Variants in RNASEL observed in about 807,000 individuals in gnomAD.
The protein encoded by RNASEL is 2-5A-dependent ribonuclease.
RNASEL carries 36 observed loss-of-function variants against 50.9 expected under a neutral mutation model. The ratio of observed to expected loss-of-function variants is 0.71; its 90% CI spans 0.54 to 0.93. RNASEL has a LOEUF of 0.93. Ranked by LOEUF, RNASEL falls within the 40% of genes least tolerant of loss-of-function variation. The pLI, the probability that RNASEL is intolerant of heterozygous loss-of-function variation, is 0.00. For missense variants in RNASEL, 860 were observed against 894.5 expected, an observed-to-expected ratio of 0.96 and a Z score of 0.49; for synonymous variants, 335 against 335.6, an observed-to-expected ratio of 1.00 and a Z score of 0.02.
intron 6 of RNASEL, 61 bp from the exon 7 acceptor site, chr1:182,575,639 G>T: frequency 1.3e-6 from 2 of 1,591,542 alleles, no homozygotes; most frequent in Non-Finnish European, 8.6e-7. Context: ...CCGCTTCACA[G>T]CATATGGCCC....
chr1:182,588,764 C>T (rs1661646175), intron 1 of RNASEL, among the ~76,000 whole-genome samples: 1 of 152,114 alleles, frequency 6.6e-6, no homozygotes, highest in Non-Finnish European at 1.5e-5. Flanking sequence ...TGTAGACCGT[C>T]CCCATTACAA....
chr1:182,581,964 T>A (rs547777227), intron 4 of RNASEL, 89 bp downstream of exon 4: 1 of 1,130,970 alleles, frequency 8.8e-7, no homozygotes, highest in Non-Finnish European at 1.3e-6. Flanking sequence ...AAAGCCTGGG[T>A]CTCCTGATTT....
At position 182,580,728 on chromosome 1, in the gene RNASEL, T is replaced by A. The variant is rs751274508; in HGVS notation, c.1905+497A>T. Among the ~76,000 whole-genome samples the A allele has an allele frequency of 4.6e-4, 70 of 152,250 alleles. 1 individual carries two copies. Among genetic ancestry groups the A allele is most frequent in the Non-Finnish European group, 1.6e-4 (11 of 68,038 alleles). On this transcript the variant is annotated intron_variant, in intron 5 of 6. Coordinates refer to ENST00000367559, the MANE Select transcript of RNASEL (RefSeq NM_021133.4). Reference sequence around the variant, plus strand: ...GTGGAACTTTTCTTAAAGAGAGCAATTTGAAAGATCATCTTTCCTTCATAG... The same window carrying A: ...GTGGAACTTTTCTTAAAGAGAGCAAATTGAAAGATCATCTTTCCTTCATAG...
At chr1:182,588,825 A>T (rs1485333311) in intron 1 of RNASEL, among the ~76,000 whole-genome samples, 5 of 152,250 alleles carry the variant, frequency 3.3e-5, no homozygotes, top group African/African-American at 1.2e-4. Context: ...AGGAGAGGAA[A>T]TATCAAGGAA....
At position 182,585,852 on chromosome 1, in the gene RNASEL, C is replaced by T. The variant is rs1448967599; in HGVS notation, c.955G>A (p.Val319Ile). The T allele has an allele frequency of 1.2e-6, 2 of 1,613,246 alleles. No individual in the cohort carries two copies. The highest frequency in any genetic ancestry group is 1.1e-5 in the South Asian group (1 of 91,068). The change falls in exon 2 of 7, where the codon GTT (valine) becomes ATT (isoleucine). Residue 319 changes from valine (V) to isoleucine (I), a missense_variant. Physicochemically the swap from Val to Ile is conservative, Grantham distance 29 (BLOSUM62 3). Coordinates refer to ENST00000367559, the MANE Select transcript of RNASEL (RefSeq NM_021133.4). The stretch of plus-strand genomic sequence containing the variant: ...TCTTTGGCTCCATGAGAGAGAAGAA[C>T]CTTCACAAGGGAATGGTCATAATTC... ...RRNYDHSLVK[V>I]LLSHGAKEDF...
At position 182,585,629 on chromosome 1, in the gene RNASEL, G is replaced by A. The variant is rs774633851; in HGVS notation, c.1178C>T (p.Thr393Met). 6.8e-6 allele frequency: 11 copies of A among 1,614,018 alleles called. No homozygotes were observed. The highest frequency in any genetic ancestry group is 6.7e-5 in the Admixed American group (4 of 60,002). ...TGCACGTGGGCTGCCCTCACAGAACGTCTTCACAGCTACTTCTTGCTTCTC... is the reference window on the plus strand; with the variant it reads ...TGCACGTGGGCTGCCCTCACAGAACATCTTCACAGCTACTTCTTGCTTCTC... ...FYEKQEVAVK[T>M]FCEGSPRAQR... Residue 393 changes from threonine to methionine, a missense_variant, in exon 2 of 7, where the codon ACG becomes ATG. Transcript: ENST00000367559.
At chr1:182,576,201 T>C (rs1661375040) in intron 6 of RNASEL, 55 bp downstream of exon 6, 2 of 1,557,672 alleles carry the variant, frequency 1.3e-6, no homozygotes, top group Admixed American at 3.6e-5. Context: ...AGAATTGGAT[T>C]TTTTAAATTG....
chr1:182,579,763 G>C, intron 5 of RNASEL: 1 of 1,166,632 alleles, frequency 8.6e-7, no homozygotes, highest in Non-Finnish European at 1.1e-6. Flanking sequence ...AAAAGAACAA[G>C]TTCCTCTTTC....
At chr1:182,587,044 T>G in intron 1 of RNASEL, 74 bp from the exon 2 acceptor site, 1 of 406,656 alleles carries the variant, frequency 2.5e-6, no homozygotes, top group Non-Finnish European at 4.4e-6. Context: ...TTAATTATAT[T>G]AGCATTTTTT....
At chr1:182,580,081 A>T (rs528363581) in intron 5 of RNASEL, 1 of 407,428 alleles carries the variant, frequency 2.5e-6, no homozygotes, top group South Asian at 1.8e-5. Context: ...AGTCTCAAGA[A>T]CTATGGCTGC....
chr1:182,575,697 C>G (rs1220646276), intron 6 of RNASEL, 119 bp from the exon 7 acceptor site: 2 of 1,329,848 alleles, frequency 1.5e-6, no homozygotes, highest in Non-Finnish European at 1.0e-6. Flanking sequence ...TGAATAAGGA[C>G]TTTGGAATCT....
At chr1:182,576,042 C>A (rs1356939032) in intron 6 of RNASEL, among the ~76,000 whole-genome samples, 2 of 152,078 alleles carry the variant, frequency 1.3e-5, no homozygotes, top group Admixed American at 1.3e-4. Context: ...ATTTATCCAA[C>A]AAAAAAATGA....
intron 5 of RNASEL, chr1:182,576,970 G>T (rs889941995): frequency 1.3e-5 from 2 of 150,832 alleles, no homozygotes; most frequent in Non-Finnish European, 3.0e-5. Context: ...TCCGCCTCCC[G>T]GGTTCAAGCG....
intron 5 of RNASEL, chr1:182,578,564 AT>A (rs1661433031): frequency 6.6e-6 from 1 of 152,202 alleles, no homozygotes; most frequent in Admixed American, 6.5e-5. Flanking sequence ...AGCAATTCTC[AT>A]GCCTCAGCCG....
intron 3 of RNASEL, among the ~76,000 whole-genome samples, chr1:182,582,698 A>T (rs570922091): frequency 3.3e-5 from 5 of 152,182 alleles, no homozygotes; most frequent in East Asian, 1.9e-4. Flanking sequence ...GACCCCAGGG[A>T]TTAGGCCGTG....
intron 5 of RNASEL, chr1:182,579,294 A>C: frequency 1.0e-5 from 10 of 986,286 alleles, no homozygotes; most frequent in Non-Finnish European, 1.2e-5. Context: ...TATCACAGTA[A>C]TGTCATCCTC....
chr1:182,585,320 G>T lies in RNASEL; in HGVS notation c.1480+7C>A. ...TTCTAAGAGAGAATTGGGGATTGGGGACTCACCTATTAAGATGTTTTGTGG... is the reference window on the plus strand; with the variant it reads ...TTCTAAGAGAGAATTGGGGATTGGGTACTCACCTATTAAGATGTTTTGTGG... On this transcript the variant is annotated splice_region_variant and intron_variant, in intron 2 of 6. Transcript: ENST00000367559. 1 of 1,613,616 alleles carries T rather than the reference G, an allele frequency of 6.2e-7. No homozygotes were observed. The highest frequency in any genetic ancestry group is 8.5e-7 in the Non-Finnish European group (1 of 1,179,736).
At chr1:182,579,835 T>C in intron 5 of RNASEL, 2 of 729,438 alleles carry the variant, frequency 2.7e-6, no homozygotes, top group Non-Finnish European at 4.2e-6. Context: ...TGAGCCTCAA[T>C]TTCCTCAGTG....
intron 1 of RNASEL, among the ~76,000 whole-genome samples, chr1:182,587,478 G>A (rs1463615898): frequency 2.0e-5 from 3 of 151,922 alleles, no homozygotes; most frequent in Non-Finnish European, 2.9e-5. Flanking sequence ...TAGATCTTAT[G>A]ATAGATTTCA....
Sources: allele counts gnomAD v4.1 joint callset (sites outside exome capture counted in the v4.1 genomes callset), GRCh38; gene constraint gnomAD v4.1.1; transcripts MANE v1.5; gene names NCBI Gene and HGNC (gene_info 2026-07-23, HGNC 2026-07-21).